IL36B: variants seen among roughly 807,000 people sequenced by gnomAD.
IL36B encodes interleukin-36 beta.
IL36B carries 23 observed loss-of-function variants against 19.3 expected under a neutral mutation model. The observed-to-expected ratio is 1.19, with a 90% confidence interval of 0.86 to 1.69. The LOEUF (loss-of-function observed/expected upper bound fraction) is 1.69. Ranked by LOEUF, IL36B falls within the 40% of genes most tolerant of loss-of-function variation. IL36B has a pLI of 0.00. For missense variants in IL36B, 217 were observed against 200.5 expected (o/e 1.08, Z -0.50); for synonymous variants, 59 against 59.7 (o/e 0.99, Z 0.05).
intron 1 of IL36B, among the ~76,000 whole-genome samples, chr2:113,047,970 T>C (rs193250801): frequency 1.3e-4 from 20 of 152,086 alleles, no homozygotes; most frequent in Admixed American, 2.6e-4. Context: ...ATGGAACACA[T>C]AGAAAACAGC....
intron 1 of IL36B, among the ~76,000 whole-genome samples, chr2:113,041,477 C>T (rs1685256072): frequency 6.6e-6 from 1 of 152,130 alleles, no homozygotes. Flanking sequence ...AACATGAAAG[C>T]TAAAACCTTA....
At position 113,036,736 on chromosome 2, in the gene IL36B, GCGCCTTATC is replaced by G. The variant is rs569552633; in HGVS notation, c.-57-4979_-57-4971del. ...AAATAAGCATTTGATCCTGCCCAGA[GCGCCTTATC>G]CTGATTCTTTAAGCTGAGAGCCCAG... On this transcript the variant is annotated intron_variant, in intron 1 of 5. Transcript: ENST00000259213. Among the ~76,000 whole-genome samples the G allele has an allele frequency of 5.3e-3, 804 of 152,340 alleles. 1 individual carries two copies. The highest frequency in any genetic ancestry group is 8.9e-3 in the Non-Finnish European group (606 of 68,032).
In IL36B at chr2:113,044,458, A is replaced by AT. The variant is rs201159655; in HGVS notation, c.-58+8358dup. Among the ~76,000 whole-genome samples, 1,081 of 151,720 alleles carry AT rather than the reference A, an allele frequency of 7.1e-3. 7 individuals are homozygous for AT. Among genetic ancestry groups the AT allele is most frequent in the Non-Finnish European group, 0.011 (773 of 67,884 alleles). On this transcript the variant is annotated intron_variant, in intron 1 of 5. Coordinates refer to ENST00000259213, the MANE Select transcript of IL36B (RefSeq NM_014438.5). ...CAGGCATGTGCCACCATGTTCAGCTATTTTTTTTATTTTTTGTAAAGACAA... is the reference window on the plus strand; with the variant it reads ...CAGGCATGTGCCACCATGTTCAGCTATTTTTTTTTATTTTTTGTAAAGACAA...
At chr2:113,046,462 G>T (rs947152213) in intron 1 of IL36B, among the ~76,000 whole-genome samples, 2 of 151,872 alleles carry the variant, frequency 1.3e-5, no homozygotes, top group Admixed American at 1.3e-4. Context: ...GCCCACCTCG[G>T]CCCCCAAAGT....
In IL36B at chr2:113,022,645, T is replaced by C. The variant is rs775796361; in HGVS notation, c.*29A>G. 7.3e-7 allele frequency: 1 copy of C among 1,361,962 alleles called. No homozygotes were observed. The highest frequency in any genetic ancestry group is 1.1e-6 in the Non-Finnish European group (1 of 950,776). The allele number at this position is 1,361,962 out of a possible 1,614,324, so 84.4% of individuals were successfully genotyped here. A position where few individuals can be genotyped will look rare whatever the true frequency, so the allele number is the denominator to read the frequency against. On this transcript the variant is annotated 3_prime_UTR_variant, in exon 6 of 6. Coordinates refer to ENST00000259213, the MANE Select transcript of IL36B (RefSeq NM_014438.5). Reference sequence around the variant, plus strand: ...TGATAGCAAACCCACTCAAAGATTGTAGAGATGGGAATCTTCCTCCCCTTA... The same window carrying C: ...TGATAGCAAACCCACTCAAAGATTGCAGAGATGGGAATCTTCCTCCCCTTA...
At chr2:113,027,319 T>G (rs1684981842) in intron 4 of IL36B, 114 bp downstream of exon 5, 1 of 291,840 alleles carries the variant, frequency 3.4e-6, no homozygotes, top group African/African-American at 2.3e-5. Context: ...TGGTGTAACT[T>G]TTATTGAAAA....
intron 1 of IL36B, among the ~76,000 whole-genome samples, chr2:113,045,197 C>T (rs146504191): frequency 2.9e-3 from 437 of 152,182 alleles, no homozygotes; most frequent in Non-Finnish European, 4.0e-3. Context: ...TCTGAAAAGA[C>T]ATTTATTTCA....
At chr2:113,028,897 C>T in intron 4 of IL36B, 42 bp downstream of exon 4, 1 of 1,597,044 alleles carries the variant, frequency 6.3e-7, no homozygotes, top group Non-Finnish European at 8.5e-7. Context: ...AATAGAAAGT[C>T]CATATGACAG....
chr2:113,047,950 T>C (rs1414673865), intron 1 of IL36B, among the ~76,000 whole-genome samples: 4 of 151,852 alleles, frequency 2.6e-5, no homozygotes, highest in Non-Finnish European at 5.9e-5. Flanking sequence ...GAAAAATAAA[T>C]ATAAAACAGA....
intron 1 of IL36B, among the ~76,000 whole-genome samples, chr2:113,050,358 A>C (rs1374513116): frequency 1.3e-5 from 2 of 149,682 alleles, no homozygotes; most frequent in Non-Finnish European, 3.0e-5. Context: ...AAAAAAAAAA[A>C]TACCGTGTAA....
At chr2:113,027,982 G>A in intron 4 of IL36B, 1 of 1,614,194 alleles carries the variant, frequency 6.2e-7, no homozygotes, top group Non-Finnish European at 8.5e-7. Flanking sequence ...CTGTCCTGAT[G>A]TGGTGGAGGT....
chr2:113,023,361 G>A (rs35719893), intron 5 of IL36B, among the ~76,000 whole-genome samples: 279 of 152,334 alleles, frequency 1.8e-3, no homozygotes, highest in Middle Eastern at 0.01. Context: ...TGGTGAGTTT[G>A]GAGAAGACAT....
chr2:113,051,077 G>C (rs954567042), intron 1 of IL36B, among the ~76,000 whole-genome samples: 1 of 152,078 alleles, frequency 6.6e-6, no homozygotes, highest in Non-Finnish European at 1.5e-5. Context: ...GCCTCTCATC[G>C]TGGCCTCCCG....
At chr2:113,030,700 A>C (rs1223486448) in intron 3 of IL36B, among the ~76,000 whole-genome samples, 3 of 151,868 alleles carry the variant, frequency 2.0e-5, no homozygotes, top group Non-Finnish European at 1.5e-5. Flanking sequence ...GGTGGTGGAA[A>C]GATGACGGAG....
chr2:113,043,252 T>A (rs541760722), intron 1 of IL36B, among the ~76,000 whole-genome samples: 28 of 152,274 alleles, frequency 1.8e-4, no homozygotes, highest in African/African-American at 6.3e-4. Flanking sequence ...ATTCTCTGAA[T>A]AGAATCTTTC....
At chr2:113,048,956 T>C (rs1237425603) in intron 1 of IL36B, among the ~76,000 whole-genome samples, 3 of 152,144 alleles carry the variant, frequency 2.0e-5, no homozygotes, top group Non-Finnish European at 4.4e-5. Context: ...TTTAAAAATG[T>C]TTAATAATTT....
At chr2:113,026,309 A>G in intron 4 of IL36B, 1 of 1,590,616 alleles carries the variant, frequency 6.3e-7, no homozygotes, top group Non-Finnish European at 8.6e-7. Context: ...GTTGCACGGC[A>G]ATGACTGGAG....
chr2:113,026,889 G>A (rs187462059), intron 4 of IL36B, among the ~76,000 whole-genome samples: 1 of 152,276 alleles, frequency 6.6e-6, no homozygotes, highest in East Asian at 1.9e-4. Flanking sequence ...ACCATGGTTA[G>A]CAATTGATCT....
chr2:113,031,959 C>T (rs548689929), intron 1 of IL36B, among the ~76,000 whole-genome samples, 193 bp from the exon 2 acceptor site: 1 of 152,306 alleles, frequency 6.6e-6, no homozygotes, highest in South Asian at 2.1e-4. Context: ...AAGCTCCCAT[C>T]TCTGCTGTGG....
Sources: gnomAD v4.1 joint callset for allele counts (sites outside exome capture counted in the v4.1 genomes callset) on GRCh38, gnomAD v4.1.1 for gene constraint, MANE v1.5 for transcripts, NCBI Gene and HGNC (gene_info 2026-07-23, HGNC 2026-07-21) for gene names.